ADAM22: variants seen among roughly 807,000 people sequenced by gnomAD.
The protein encoded by ADAM22 is ADAM metallopeptidase domain 22, also known as disintegrin and metalloproteinase domain-containing protein 22.
A neutral mutation model predicts 144.6 loss-of-function variants in ADAM22; 65 were observed. That is an observed-to-expected ratio of 0.45 (90% CI 0.37 to 0.55). The LOEUF is 0.55. Ranked by LOEUF, ADAM22 falls within the 20% of genes least tolerant of loss-of-function variation. ADAM22 has a pLI of 0.00. For synonymous variants in ADAM22, 391 were observed against 412.6 expected, an observed-to-expected ratio of 0.95 and a Z score of 0.63; for missense variants, 974 against 1,184.9, an observed-to-expected ratio of 0.82 and a Z score of 2.61.
intron 3 of ADAM22, among the ~76,000 whole-genome samples, chr7:88,000,104 T>C (rs2129455865): frequency 6.6e-6 from 1 of 152,214 alleles, no homozygotes; most frequent in East Asian, 1.9e-4. Context: ...TAGTGGAATA[T>C]GTCTACATTC....
chr7:88,159,044 T>A (rs1840805794), intron 22 of ADAM22, among the ~76,000 whole-genome samples: 1 of 151,804 alleles, frequency 6.6e-6, no homozygotes, highest in Non-Finnish European at 1.5e-5. Flanking sequence ...AAGATCCAAA[T>A]TAATACATCA....
At chr7:88,195,659 G>T (rs1850534813) in intron 31 of ADAM22, among the ~76,000 whole-genome samples, 1 of 152,060 alleles carries the variant, frequency 6.6e-6, no homozygotes, top group African/African-American at 2.4e-5. Context: ...GGGACTACAG[G>T]TGCCCGCCAC....
At chr7:88,133,316 T>C (rs939398539) in intron 12 of ADAM22, among the ~76,000 whole-genome samples, 3 of 151,590 alleles carry the variant, frequency 2.0e-5, no homozygotes, top group Non-Finnish European at 4.4e-5. Flanking sequence ...TGGGCCCAGA[T>C]TGCGCCACTG....
At chr7:87,954,611 A>G (rs953378783) in intron 2 of ADAM22, among the ~76,000 whole-genome samples, 28 of 152,176 alleles carry the variant, frequency 1.8e-4, no homozygotes, top group African/African-American at 6.5e-4. Flanking sequence ...GAATCTGACA[A>G]TTATGTGTCT....
At chr7:87,982,701 T>TAA (rs1554373733) in intron 3 of ADAM22, among the ~76,000 whole-genome samples, 366 of 33,754 alleles carry the variant, frequency 0.011, 10 homozygotes, top group African/African-American at 0.038. Flanking sequence ...ATATATATAA[T>TAA]TTTTTTTTTT....
intron 9 of ADAM22, among the ~76,000 whole-genome samples, chr7:88,129,865 G>A (rs972604114): frequency 1.3e-5 from 2 of 152,180 alleles, no homozygotes; most frequent in Middle Eastern, 3.4e-3. Flanking sequence ...TTTAAAACAC[G>A]ATTGAGACCA....
At chr7:88,018,985 A>G (rs552034977) in intron 3 of ADAM22, among the ~76,000 whole-genome samples, 1 of 152,334 alleles carries the variant, frequency 6.6e-6, no homozygotes, top group African/African-American at 2.4e-5. Context: ...AAGTTTTAGT[A>G]TAACGTAAGA....
intron 4 of ADAM22, among the ~76,000 whole-genome samples, chr7:88,078,032 G>A (rs1266350003): frequency 1.3e-5 from 2 of 152,194 alleles, no homozygotes; most frequent in African/African-American, 2.4e-5. Flanking sequence ...TCTGAGAACG[G>A]GCAGAATGCC....
chr7:88,120,839 C>A (rs1419240847), intron 7 of ADAM22, among the ~76,000 whole-genome samples: 2 of 151,922 alleles, frequency 1.3e-5, no homozygotes, highest in Non-Finnish European at 2.9e-5. Context: ...TTGCTAGCTC[C>A]CAAGTTTTGA....
chr7:88,043,058 G>A (rs1210346211), intron 3 of ADAM22, among the ~76,000 whole-genome samples: 1 of 151,708 alleles, frequency 6.6e-6, no homozygotes, highest in Non-Finnish European at 1.5e-5. Context: ...GTTCTTTGAG[G>A]GTTTGATGCT....
intron 3 of ADAM22, among the ~76,000 whole-genome samples, chr7:87,999,058 G>A (rs1023117330): frequency 6.6e-6 from 1 of 152,118 alleles, no homozygotes; most frequent in Non-Finnish European, 1.5e-5. Flanking sequence ...ATTATAAAAA[G>A]TTACTGGTGA....
Position 88,136,008 on chromosome 7 carries a change from C to A in ADAM22, c.1197C>A (p.Ser399=), listed in dbSNP as rs376804868. The change falls in exon 14 of 32, where the codon TCC becomes TCA. Residue 399 remains serine (S), a synonymous_variant. Transcript: ENST00000413139. ...SGECKCEDTW[S]GCIMGDTGYY... is the part of the protein sequence containing the mutation. ...AATGTAAATGCGAGGACACGTGGTC[C>A]GGGTGCATAATGGGAGACACTGGGT... 6.2e-7 allele frequency: 1 copy of A among 1,611,482 alleles called. No individual in the cohort carries two copies. Among genetic ancestry groups the A allele is most frequent in the Admixed American group, 1.7e-5 (1 of 59,788 alleles).
intron 2 of ADAM22, among the ~76,000 whole-genome samples, chr7:87,955,624 C>T (rs1046316134): frequency 2.0e-5 from 3 of 152,192 alleles, no homozygotes; most frequent in Non-Finnish European, 4.4e-5. Context: ...CTCAGATCTC[C>T]AGCTGCGTGC....
chr7:88,111,798 T>C (rs1826118987), intron 5 of ADAM22, among the ~76,000 whole-genome samples: 1 of 152,136 alleles, frequency 6.6e-6, no homozygotes, highest in Non-Finnish European at 1.5e-5. Flanking sequence ...AACACATGTA[T>C]TTTTTCATTA....
chr7:88,099,881 C>G (rs1237822413), intron 4 of ADAM22, among the ~76,000 whole-genome samples: 1 of 152,032 alleles, frequency 6.6e-6, no homozygotes, highest in Non-Finnish European at 1.5e-5. Flanking sequence ...GAAAACAACC[C>G]TCTCAAAACA....
intron 4 of ADAM22, among the ~76,000 whole-genome samples, chr7:88,079,190 T>C (rs955330959): frequency 6.6e-6 from 1 of 152,170 alleles, no homozygotes; most frequent in Non-Finnish European, 1.5e-5. Flanking sequence ...GGGGCCAATA[T>C]TCAACATTCT....
chr7:88,166,251 A>G lies in ADAM22; in HGVS notation c.2191+305A>G, dbSNP rs1842918044. On this transcript the variant is annotated intron_variant, in intron 24 of 31. Coordinates refer to ENST00000413139, the MANE Select transcript of ADAM22 (RefSeq NM_001324418.2). ...AATGTGGAAGTAGTCATAACTCTTA[A>G]TTGTGTGCATTTAGAGGAATAATTT... Among the ~76,000 whole-genome samples the G allele has an allele frequency of 2.0e-5, 3 of 152,164 alleles. No homozygotes were observed. The South Asian group carries it at 6.2e-4, about 32-fold the overall frequency.
intron 3 of ADAM22, among the ~76,000 whole-genome samples, chr7:88,051,348 A>G (rs1313170943): frequency 2.0e-5 from 3 of 152,204 alleles, no homozygotes; most frequent in Non-Finnish European, 4.4e-5. Context: ...TGGCACATAT[A>G]CACCATGGAA....
chr7:88,007,936 A>G (rs561343631), intron 3 of ADAM22, among the ~76,000 whole-genome samples: 2 of 152,336 alleles, frequency 1.3e-5, no homozygotes, highest in East Asian at 3.9e-4. Flanking sequence ...GCACAGCAAA[A>G]GAAACTATCA....
Sources: gnomAD v4.1 joint callset for allele counts (sites outside exome capture counted in the v4.1 genomes callset) on GRCh38, gnomAD v4.1.1 for gene constraint, MANE v1.5 for transcripts, NCBI Gene and HGNC (gene_info 2026-07-23, HGNC 2026-07-21) for gene names.